The following POLR3G variants were observed in gnomAD, a reference collection of about 807,000 sequenced individuals.
POLR3G encodes the protein DNA-directed RNA polymerase III subunit RPC7.
POLR3G carries 28 observed loss-of-function variants against 30.1 expected under a neutral mutation model. That is an observed-to-expected ratio of 0.93 (90% confidence interval 0.69 to 1.27). The LOEUF (loss-of-function observed/expected upper bound fraction) is 1.27, where lower values mean the gene tolerates loss of function less well. Ranked by LOEUF, POLR3G falls within the 50% of genes most tolerant of loss-of-function variation. The pLI, the probability that POLR3G is intolerant of heterozygous loss-of-function variation, is 0.00. For missense variants in POLR3G, 254 were observed against 264.6 expected (o/e 0.96, Z 0.28); for synonymous variants, 79 against 82.5 (o/e 0.96, Z 0.23).
At chr5:90,480,902 G>T (rs75212324) in intron 1 of POLR3G, among the ~76,000 whole-genome samples, 4,258 of 152,168 alleles carry the variant, frequency 0.028, 203 homozygotes, top group African/African-American at 0.098. Context: ...TCTAGGCTCA[G>T]CATATGTTTT....
intron 1 of POLR3G, among the ~76,000 whole-genome samples, chr5:90,481,550 C>T (rs2151899716): frequency 6.6e-6 from 1 of 152,250 alleles, no homozygotes; most frequent in South Asian, 2.1e-4. Context: ...CAGTTTCTGT[C>T]TGCAGCCAAC....
chr5:90,484,015 A>T (rs746045035), intron 1 of POLR3G, among the ~76,000 whole-genome samples: 3 of 152,146 alleles, frequency 2.0e-5, no homozygotes, highest in Non-Finnish European at 4.4e-5. Context: ...AGTAGCTAAG[A>T]CTTCCACCAA....
At chr5:90,503,650 T>C (rs1264821569) in intron 6 of POLR3G, among the ~76,000 whole-genome samples, 1 of 152,230 alleles carries the variant, frequency 6.6e-6, no homozygotes, top group Non-Finnish European at 1.5e-5. Flanking sequence ...GAAATACCAA[T>C]GAGTTTAGAA....
chr5:90,499,148 T>A (rs1752125036), intron 5 of POLR3G, among the ~76,000 whole-genome samples: 1 of 152,186 alleles, frequency 6.6e-6, no homozygotes. Context: ...TAGCAGTCAT[T>A]ATCAGAGATA....
intron 3 of POLR3G, among the ~76,000 whole-genome samples, chr5:90,494,886 G>A (rs1751908169): frequency 6.6e-6 from 1 of 151,952 alleles, no homozygotes; most frequent in Non-Finnish European, 1.5e-5. Context: ...TTTTTTTCCG[G>A]TATACTGAGG....
At chr5:90,507,395 TTACTA>T (rs1752535954) in intron 7 of POLR3G, among the ~76,000 whole-genome samples, 3 of 152,206 alleles carry the variant, frequency 2.0e-5, no homozygotes, top group Admixed American at 1.3e-4. Context: ...TATGAAATCT[TTACTA>T]TAATTATTTT....
intron 1 of POLR3G, among the ~76,000 whole-genome samples, chr5:90,477,104 A>G (rs1036576952): frequency 6.6e-6 from 1 of 152,204 alleles, no homozygotes; most frequent in Non-Finnish European, 1.5e-5. Flanking sequence ...CATGATTGTA[A>G]AAAGGGCTTA....
At position 90,488,197 on chromosome 5, in the gene POLR3G, T is replaced by C. The variant is rs542695098; in HGVS notation, c.247+68T>C. On this transcript the variant is annotated intron_variant, in intron 3 of 7. Coordinates refer to ENST00000651687, the MANE Select transcript of POLR3G (RefSeq NM_006467.3). ...GATGAAACAGTGTTTAAGCACAAGATATATAATCATTTAATGTTGATTGAT... is the reference window on the plus strand; with the variant it reads ...GATGAAACAGTGTTTAAGCACAAGACATATAATCATTTAATGTTGATTGAT... 38 of 1,254,940 alleles carry C rather than the reference T, an allele frequency of 3.0e-5. No individual in the cohort carries two copies. In the East Asian group the frequency reaches 1.1e-3, roughly 35 times the overall value. 77.7% of individuals were successfully genotyped at this position (1,254,940 alleles called of 1,614,324 possible).
intron 6 of POLR3G, among the ~76,000 whole-genome samples, chr5:90,504,554 TC>T (rs11340730): frequency 0.69 from 103,103 of 150,394 alleles, 35,874 homozygotes; most frequent in African/African-American, 0.8. Context: ...AGAGCAAGAC[TC>T]CCATCTCAAA....
At chr5:90,482,119 C>T (rs1751154905) in intron 1 of POLR3G, among the ~76,000 whole-genome samples, 1 of 152,026 alleles carries the variant, frequency 6.6e-6, no homozygotes, top group Admixed American at 6.6e-5. Flanking sequence ...AGTGTTCAAG[C>T]AGTTATGAAG....
intron 3 of POLR3G, among the ~76,000 whole-genome samples, chr5:90,492,243 C>G (rs1316032221): frequency 6.6e-6 from 1 of 152,020 alleles, no homozygotes; most frequent in Non-Finnish European, 1.5e-5. Flanking sequence ...CACTGTATCT[C>G]CAAGAATTAA....
chr5:90,504,412 A>T (rs181181946), intron 6 of POLR3G, among the ~76,000 whole-genome samples: 3 of 152,162 alleles, frequency 2.0e-5, no homozygotes, highest in African/African-American at 7.2e-5. Flanking sequence ...TTCAAAAAAA[A>T]TTAGCTGGGC....
Position 90,488,074 on chromosome 5 carries a change from G to A in POLR3G, c.192G>A (p.Leu64=). 1 of 1,612,016 alleles carries A rather than the reference G, an allele frequency of 6.2e-7. No homozygotes were observed. Among genetic ancestry groups the A allele is most frequent in the Non-Finnish European group, 8.5e-7 (1 of 1,179,054 alleles). Residue 64 remains leucine, a synonymous_variant, in exon 3 of 8, where the codon TTG becomes TTA. Coordinates refer to ENST00000651687, the MANE Select transcript of POLR3G (RefSeq NM_006467.3). ...EEYMLALKQE[L]RETMKRMPYF... is the part of the protein sequence containing the mutation. ...ATATGCTGGCTTTGAAACAGGAGTT[G>A]AGAGAAACAATGAAAAGAATGCCTT...
At chr5:90,509,120 T>G (rs570888729) in intron 7 of POLR3G, among the ~76,000 whole-genome samples, 2 of 152,354 alleles carry the variant, frequency 1.3e-5, no homozygotes, top group South Asian at 4.1e-4. Context: ...TGCCAGGCAT[T>G]GTGCTAATTG....
Position 90,482,752 on chromosome 5 carries a change from A to C in POLR3G, c.-43-2773A>C, listed in dbSNP as rs188532484. ...CCCACCCAGGAACTGACTCAGCAGA[A>C]GAGAACAGCTTTGACTTCCTATGAT... On this transcript the variant is annotated intron_variant, in intron 1 of 7. Transcript: ENST00000651687. 7.0e-3 allele frequency among the ~76,000 whole-genome samples: 1,069 copies of C among 152,294 alleles called. 12 individuals carry two copies. The highest frequency in any genetic ancestry group is 0.025 in the African/African-American group (1,026 of 41,558).
chr5:90,488,184 T>C, intron 3 of POLR3G, 55 bp downstream of exon 3: 1 of 1,368,328 alleles, frequency 7.3e-7, no homozygotes, highest in Non-Finnish European at 9.6e-7. Context: ...TGAAACAGTG[T>C]TTAAGCACAA....
upstream of POLR3G, chr5:90,474,187 G>A (rs766243313): frequency 5.0e-6 from 8 of 1,608,382 alleles, no homozygotes; most frequent in East Asian, 4.5e-5. Context: ...TCGGAGCCGC[G>A]CACCAGCCAG....
intron 1 of POLR3G, among the ~76,000 whole-genome samples, chr5:90,476,041 C>A (rs1750797481): frequency 6.6e-6 from 1 of 152,164 alleles, no homozygotes; most frequent in Non-Finnish European, 1.5e-5. Context: ...CAGAAATTCC[C>A]TTGAGAACTT....
chr5:90,488,567 CTT>C (rs1360918161), intron 3 of POLR3G, among the ~76,000 whole-genome samples: 1 of 152,018 alleles, frequency 6.6e-6, no homozygotes, highest in South Asian at 2.1e-4. Flanking sequence ...GAAAACATGA[CTT>C]TTAATGACTG....
Sources: allele counts gnomAD v4.1 joint callset (sites outside exome capture counted in the v4.1 genomes callset), GRCh38; gene constraint gnomAD v4.1.1; transcripts MANE v1.5; gene names NCBI Gene and HGNC (gene_info 2026-07-23, HGNC 2026-07-21).